CWC15: variants seen among roughly 807,000 people sequenced by gnomAD.
The protein encoded by CWC15 is spliceosome-associated protein CWC15 homolog.
A neutral mutation model predicts 28.4 loss-of-function variants in CWC15; 12 were observed. The observed-to-expected ratio is 0.42, with a 90% CI of 0.27 to 0.69. The LOEUF (loss-of-function observed/expected upper bound fraction) is 0.69, where lower values mean the gene tolerates loss of function less well. CWC15 is among the 30% of genes least tolerant of loss of function. The pLI is 0.23. For synonymous variants in CWC15, 92 were observed against 88.4 expected (o/e 1.04, Z -0.23); for missense variants, 192 against 271.5 (o/e 0.71, Z 2.06).
chr11:94,971,587 GT>G, intron 2 of CWC15, 100 bp from the exon 3 acceptor site: 1 of 696,562 alleles, frequency 1.4e-6, no homozygotes, highest in Non-Finnish European at 2.4e-6. Context: ...ATGAGACTTT[GT>G]CCTTCAAGCA....
At position 94,963,532 on chromosome 11, in the gene CWC15, A is replaced by G. The variant is rs186594903; in HGVS notation, c.561-18T>C. ...CATCCCACCTGAGGAAAAAAAAGCA[A>G]ACAGAACGTCTGAAAATGTTTGTAT... On this transcript the variant is annotated intron_variant, in intron 6 of 6. Transcript: ENST00000279839. 56 of 1,549,694 alleles carry G rather than the reference A, an allele frequency of 3.6e-5. No homozygotes were observed. The Admixed American group carries it at 1.1e-3, about 30-fold the overall frequency.
In CWC15 at chr11:94,963,349, C is replaced by T. The variant is rs781936589; in HGVS notation, c.*36G>A. 16 of 1,477,524 alleles carry T rather than the reference C, an allele frequency of 1.1e-5. No individual in the cohort carries two copies. The highest frequency in any genetic ancestry group is 1.8e-4 in the Middle Eastern group (1 of 5,688). The allele number at this position is 1,477,524 out of a possible 1,614,324, so 91.5% of individuals were successfully genotyped here. ...TAAAAAAAGTCAGAATGATCCTTTACGTTTTACAGTCTTTAATTAAGCACA... is the reference window on the plus strand; with the variant it reads ...TAAAAAAAGTCAGAATGATCCTTTATGTTTTACAGTCTTTAATTAAGCACA... On this transcript the variant is annotated 3_prime_UTR_variant, in exon 7 of 7. Coordinates refer to ENST00000279839, the MANE Select transcript of CWC15 (RefSeq NM_016403.4).
chr11:94,964,249 AATATAT>A (rs1213672080), intron 6 of CWC15, among the ~76,000 whole-genome samples: 1 of 125,126 alleles, frequency 8.0e-6, no homozygotes, highest in Non-Finnish European at 1.7e-5. Context: ...TACCCTCACA[AATATAT>A]ATATAACACA....
intron 2 of CWC15, 134 bp from the exon 3 acceptor site, chr11:94,971,621 T>C: frequency 1.7e-6 from 1 of 599,266 alleles, no homozygotes; most frequent in Non-Finnish European, 2.9e-6. Context: ...GTAGACAAGA[T>C]CATAATTTAA....
intron 6 of CWC15, among the ~76,000 whole-genome samples, chr11:94,965,359 A>T (rs1455876076): frequency 6.6e-6 from 1 of 152,188 alleles, no homozygotes; most frequent in Non-Finnish European, 1.5e-5. Flanking sequence ...TTTCTGTTTT[A>T]TTTTATATAT....
At chr11:94,966,448 T>G (rs1555095320) in intron 5 of CWC15, 35 bp from the exon 6 acceptor site, 22 of 1,394,060 alleles carry the variant, frequency 1.6e-5, no homozygotes, top group Non-Finnish European at 2.1e-5. Context: ...CACTTACTTA[T>G]TTTAACTCTG....
At chr11:94,967,545 A>G (rs953932418) in intron 5 of CWC15, among the ~76,000 whole-genome samples, 13 of 152,188 alleles carry the variant, frequency 8.5e-5, no homozygotes, top group South Asian at 2.1e-4. Flanking sequence ...TGTTTTGGGG[A>G]TAACAGAAAT....
At position 94,966,144 on chromosome 11, in the gene CWC15, G is replaced by A. The variant is rs1238136956; in HGVS notation, c.560+151C>T. On this transcript the variant is annotated intron_variant, in intron 6 of 6. Coordinates refer to ENST00000279839, the MANE Select transcript of CWC15 (RefSeq NM_016403.4). ...CAGAGAAGAGTATCAGTGAATGGAC[G>A]GTGGACTTTTAGAAGCTTTTTACAA... 9 of 546,288 alleles carry A rather than the reference G, an allele frequency of 1.6e-5. No homozygotes were observed. In the South Asian group the frequency reaches 1.8e-4, roughly 11 times the overall value. 33.8% of individuals were successfully genotyped at this position (546,288 alleles called of 1,614,324 possible).
At chr11:94,971,328 T>C (rs1857716339) in intron 3 of CWC15, 47 bp downstream of exon 3, 1 of 1,453,234 alleles carries the variant, frequency 6.9e-7, no homozygotes, top group Non-Finnish European at 9.5e-7. Flanking sequence ...AGAAAAACTA[T>C]CAACAACATA....
Position 94,963,309 on chromosome 11 carries a change from G to A in CWC15, c.*76C>T, listed in dbSNP as rs1412570125. The A allele has an allele frequency of 2.7e-6, 3 of 1,110,452 alleles. No homozygotes were observed. The highest frequency in any genetic ancestry group is 2.4e-6 in the Non-Finnish European group (2 of 827,984). The allele number at this position is 1,110,452 out of a possible 1,614,324, so 68.8% of individuals were successfully genotyped here. On this transcript the variant is annotated 3_prime_UTR_variant, in exon 7 of 7. Coordinates refer to ENST00000279839, the MANE Select transcript of CWC15 (RefSeq NM_016403.4). ...CACACACAATTTAGACAGGGGAAAA[G>A]AAAAAAAAAACTCATAAAAAAAGTC...
At chr11:94,967,810 AGGTG>A (rs1279595217) in intron 5 of CWC15, among the ~76,000 whole-genome samples, 1 of 152,232 alleles carries the variant, frequency 6.6e-6, no homozygotes, top group Non-Finnish European at 1.5e-5. Flanking sequence ...ATCACAGAAC[AGGTG>A]GCTTTCTAAA....
intron 5 of CWC15, 132 bp from the exon 6 acceptor site, chr11:94,966,545 C>CTTTTTTTTTTT: frequency 4.4e-6 from 1 of 228,160 alleles, no homozygotes; most frequent in South Asian, 7.1e-5. Context: ...TCAAGGCAGG[C>CTTTTTTTTTTT]TTTTTTTTTT....
chr11:94,966,224 T>TAC lies in CWC15; in HGVS notation c.560+70_560+71insGT, dbSNP rs1447749262. On this transcript the variant is annotated intron_variant, in intron 6 of 6. Coordinates refer to ENST00000279839, the MANE Select transcript of CWC15 (RefSeq NM_016403.4). ...ATGCCTGTGTGTATACACATACACA[T>TAC]ATACACACACACACACACACACACA... is the stretch of plus-strand genomic sequence containing the variant. 2.3e-3 allele frequency: 1,685 copies of TAC among 733,828 alleles called. 7 individuals carry two copies. The highest frequency in any genetic ancestry group is 0.016 in the African/African-American group (679 of 42,134). 45.5% of individuals were successfully genotyped at this position (733,828 alleles called of 1,614,324 possible). A position where few individuals can be genotyped will look rare whatever the true frequency, so the allele number is the denominator to read the frequency against.
intron 6 of CWC15, 69 bp downstream of exon 6, chr11:94,966,226 T>TATACACACAC: frequency 1.5e-6 from 1 of 669,472 alleles, no homozygotes; most frequent in Non-Finnish European, 2.6e-6. Flanking sequence ...CATACACATA[T>TATACACACAC]ACACACACAC....
chr11:94,973,218 G>T (rs782500419), intron 1 of CWC15: 1 of 152,304 alleles, frequency 6.6e-6, no homozygotes, highest in Non-Finnish European at 1.5e-5. Context: ...GAAACTCGCT[G>T]CCTCTTCACC....
intron 6 of CWC15, among the ~76,000 whole-genome samples, chr11:94,964,668 C>T (rs1353079363): frequency 6.6e-6 from 1 of 152,174 alleles, no homozygotes; most frequent in Non-Finnish European, 1.5e-5. Flanking sequence ...TCCTGAAACA[C>T]TTTGTTTCAC....
intron 6 of CWC15, among the ~76,000 whole-genome samples, chr11:94,965,149 A>G (rs782158555): frequency 4.6e-5 from 7 of 152,352 alleles, no homozygotes; most frequent in Non-Finnish European, 7.3e-5. Context: ...GCATCACTCC[A>G]GAGAGGAGGG....
rs186015827 is a variant in CWC15, at chr11:94,962,747, T to G, written c.*638A>C. 3.9e-5 allele frequency: 6 copies of G among 152,230 alleles called. No individual in the cohort carries two copies. The East Asian group carries it at 1.2e-3, about 29-fold the overall frequency. 9.4% of individuals were successfully genotyped at this position (152,230 alleles called of 1,614,324 possible). On this transcript the variant is annotated 3_prime_UTR_variant, in exon 7 of 7. Coordinates refer to ENST00000279839, the MANE Select transcript of CWC15 (RefSeq NM_016403.4). ...GGCAGTTGAGTATCCAGAACACAAG[T>G]GAGTACCGTATACTTTAAAAGAATG... is the stretch of plus-strand genomic sequence containing the variant.
intron 1 of CWC15, among the ~76,000 whole-genome samples, chr11:94,972,924 C>A (rs1454774383): frequency 1.3e-5 from 2 of 151,982 alleles, no homozygotes; most frequent in African/African-American, 4.8e-5. Context: ...GGGACTCATT[C>A]CTCAAGTTAC....
Sources: allele counts gnomAD v4.1 joint callset (sites outside exome capture counted in the v4.1 genomes callset), GRCh38; gene constraint gnomAD v4.1.1; transcripts MANE v1.5; gene names NCBI Gene and HGNC (gene_info 2026-07-23, HGNC 2026-07-21).